Variants in TOMM34 observed in about 807,000 individuals in gnomAD.
TOMM34 encodes mitochondrial import receptor subunit TOM34.
A neutral mutation model predicts 37.4 loss-of-function variants in TOMM34; 24 were observed. The observed-to-expected ratio is 0.64, with a 90% confidence interval of 0.46 to 0.90. The LOEUF (loss-of-function observed/expected upper bound fraction) is 0.90, where lower values mean the gene tolerates loss of function less well. Ranked by LOEUF, TOMM34 falls within the 40% of genes least tolerant of loss-of-function variation. TOMM34 has a pLI of 0.00. For synonymous variants in TOMM34, 154 were observed against 148.9 expected, an observed-to-expected ratio of 1.03 and a Z score of -0.25; for missense variants, 304 against 375.6, an observed-to-expected ratio of 0.81 and a Z score of 1.58.
Position 44,946,281 on chromosome 20 carries a change from T to C in TOMM34, c.698+2449A>G, listed in dbSNP as rs2066980430. 2.0e-5 allele frequency among the ~76,000 whole-genome samples: 3 copies of C among 152,184 alleles called. No homozygotes were observed. In the South Asian group the frequency reaches 6.2e-4, roughly 32 times the overall value. On this transcript the variant is annotated intron_variant, in intron 5 of 6. Coordinates refer to ENST00000372813, the MANE Select transcript of TOMM34 (RefSeq NM_006809.5). ...GACTTCAGAATAGAAATGTGATTAA[T>C]AGGGTCATGTGAGACTTCTAAAGAC...
At chr20:44,955,883 A>T (rs896166514) in intron 2 of TOMM34, among the ~76,000 whole-genome samples, 4 of 152,264 alleles carry the variant, frequency 2.6e-5, no homozygotes, top group African/African-American at 9.6e-5. Flanking sequence ...TTTAATGATG[A>T]TAAAAGAATA....
intron 1 of TOMM34, among the ~76,000 whole-genome samples, chr20:44,959,193 C>T (rs142606138): frequency 6.6e-6 from 1 of 152,148 alleles, no homozygotes; most frequent in East Asian, 1.9e-4. Flanking sequence ...TCAAGAGATG[C>T]TAGCCAAGAA....
At chr20:44,952,109 C>T (rs1251289020) in intron 3 of TOMM34, 107 bp from the exon 4 acceptor site, 4 of 1,358,922 alleles carry the variant, frequency 2.9e-6, no homozygotes, top group African/African-American at 2.9e-5. Flanking sequence ...GCCAGAGCTG[C>T]CACCCTCCCC....
In TOMM34 at chr20:44,943,056, C is replaced by G; in HGVS notation, c.*53G>C. ...AGGAGCGGGCACAGAGCAGGTGGCC[C>G]ATGGCTTCTCTGGGTAAGGTCAGGC... On this transcript the variant is annotated 3_prime_UTR_variant, in exon 7 of 7. Transcript: ENST00000372813. 1 of 1,583,810 alleles carries G rather than the reference C, an allele frequency of 6.3e-7. No homozygotes were observed. Among genetic ancestry groups the G allele is most frequent in the Non-Finnish European group, 8.7e-7 (1 of 1,153,744 alleles).
intron 5 of TOMM34, 100 bp downstream of exon 5, chr20:44,948,626 ATACT>A: frequency 1.4e-6 from 2 of 1,416,334 alleles, no homozygotes; most frequent in Non-Finnish European, 1.9e-6. Context: ...CAGCCATAAC[ATACT>A]TGACTAAATG....
At position 44,943,006 on chromosome 20, in the gene TOMM34, G is replaced by A; in HGVS notation, c.*103C>T. 9.2e-7 allele frequency: 1 copy of A among 1,089,064 alleles called. No individual in the cohort carries two copies. Among genetic ancestry groups the A allele is most frequent in the South Asian group, 1.3e-5 (1 of 74,670 alleles). 67.5% of individuals were successfully genotyped at this position (1,089,064 alleles called of 1,614,324 possible). Reference sequence around the variant, plus strand: ...AAGGGATTGAGGAGGGGGCTTCAGAGCTCACTTGGGGCATGCTGGGTTTCA... The same window carrying A: ...AAGGGATTGAGGAGGGGGCTTCAGAACTCACTTGGGGCATGCTGGGTTTCA... On this transcript the variant is annotated 3_prime_UTR_variant, in exon 7 of 7. Coordinates refer to ENST00000372813, the MANE Select transcript of TOMM34 (RefSeq NM_006809.5).
intron 5 of TOMM34, among the ~76,000 whole-genome samples, chr20:44,946,050 G>T (rs553619850): frequency 1.4e-4 from 21 of 152,192 alleles, no homozygotes; most frequent in Admixed American, 3.3e-4. Context: ...GTAGAGATGG[G>T]GTTTCACCAT....
In TOMM34 at chr20:44,943,589, A is replaced by G; in HGVS notation, c.699-10T>C. On this transcript the variant is annotated splice_polypyrimidine_tract_variant and intron_variant, in intron 5 of 6. Coordinates refer to ENST00000372813, the MANE Select transcript of TOMM34 (RefSeq NM_006809.5). ...CAAATAGCAGAGTGCTCTGAAGGGA[A>G]AGACCATTTCAGAGGTTTCAGTCAC... The G allele has an allele frequency of 6.2e-7, 1 of 1,614,092 alleles. No homozygotes were observed. Among genetic ancestry groups the G allele is most frequent in the Non-Finnish European group, 8.5e-7 (1 of 1,180,018 alleles).
chr20:44,951,903 G>T lies in TOMM34; in HGVS notation c.480C>A (p.Ser160=). Residue 160 remains serine, a synonymous_variant, in exon 4 of 7, where the codon TCC becomes TCA. Transcript: ENST00000372813. ...VPVSAQKRWN[S]LPSENHKEMA... is the part of the protein sequence containing the mutation. The stretch of plus-strand genomic sequence containing the variant: ...TCTCTTTGTGGTTCTCCGAAGGCAA[G>T]GAATTCCACCTCTTCTGAGCTGAAA... 2 of 1,614,098 alleles carry T rather than the reference G, an allele frequency of 1.2e-6. No individual in the cohort carries two copies.
In TOMM34 at chr20:44,960,313, G is replaced by C. The variant is rs773402878; in HGVS notation, c.21C>G (p.Asp7Glu). Residue 7 changes from aspartate to glutamate, a missense_variant, in exon 1 of 7, where the codon GAC (aspartate) becomes GAG (glutamate). Asp to Glu is a conservative substitution (Grantham distance 45, BLOSUM62 2). Transcript: ENST00000372813. The stretch of plus-strand genomic sequence containing the variant: ...CGGCGGCGCGGAGCTCCTCCACAGA[G>C]TCTGGGAATTTGGGGGCCATCCCGT... MAPKFP[D>E]SVEELRAAGN... The C allele has an allele frequency of 1.7e-5, 27 of 1,581,940 alleles. No individual in the cohort carries two copies. The South Asian group carries it at 2.9e-4, about 17-fold the overall frequency.
chr20:44,942,791 C>G lies in TOMM34; in HGVS notation c.*318G>C. Reference sequence around the variant, plus strand: ...CAGTCTGCAGCCCACTTGGGCAGGACAAAGCCAAATGCTTTGCTGATGAGG... The same window carrying G: ...CAGTCTGCAGCCCACTTGGGCAGGAGAAAGCCAAATGCTTTGCTGATGAGG... On this transcript the variant is annotated 3_prime_UTR_variant, in exon 7 of 7. Transcript: ENST00000372813. The G allele has an allele frequency of 2.4e-6, 1 of 413,444 alleles. No individual in the cohort carries two copies. Among genetic ancestry groups the G allele is most frequent in the Non-Finnish European group, 4.4e-6 (1 of 226,798 alleles). The allele number at this position is 413,444 out of a possible 1,614,324, so 25.6% of individuals were successfully genotyped here.
chr20:44,944,798 T>C (rs562170654), intron 5 of TOMM34, among the ~76,000 whole-genome samples: 3 of 152,364 alleles, frequency 2.0e-5, no homozygotes, highest in South Asian at 4.1e-4. Flanking sequence ...TGTACCAACT[T>C]TGGGTCTTAA....
chr20:44,946,587 G>A (rs1190569554), intron 5 of TOMM34, among the ~76,000 whole-genome samples: 5 of 152,210 alleles, frequency 3.3e-5, no homozygotes, highest in South Asian at 2.1e-4. Context: ...ACTGTTGTGA[G>A]TACAAGTGAG....
chr20:44,954,689 T>C (rs2067055172), intron 3 of TOMM34, among the ~76,000 whole-genome samples: 1 of 152,240 alleles, frequency 6.6e-6, no homozygotes, highest in African/African-American at 2.4e-5. Flanking sequence ...TCATAGCTGC[T>C]TGGGCTTGTG....
chr20:44,956,713 C>T (rs2067076398), intron 1 of TOMM34, among the ~76,000 whole-genome samples: 1 of 152,170 alleles, frequency 6.6e-6, no homozygotes, highest in Admixed American at 6.5e-5. Context: ...TCCTCATTCA[C>T]TCATTCCAGC....
chr20:44,956,982 T>A (rs2067079410), intron 1 of TOMM34, among the ~76,000 whole-genome samples: 1 of 151,896 alleles, frequency 6.6e-6, no homozygotes. Flanking sequence ...ATGAAAGACA[T>A]GAGACTAGTT....
At chr20:44,945,226 A>G (rs1000409621) in intron 5 of TOMM34, among the ~76,000 whole-genome samples, 2 of 152,214 alleles carry the variant, frequency 1.3e-5, no homozygotes, top group African/African-American at 4.8e-5. Flanking sequence ...CATGAATTTA[A>G]AGAAGAAAAT....
At chr20:44,950,717 G>A (rs2067019123) in intron 4 of TOMM34, among the ~76,000 whole-genome samples, 1 of 152,192 alleles carries the variant, frequency 6.6e-6, no homozygotes, top group Non-Finnish European at 1.5e-5. Flanking sequence ...ACAAACCAGA[G>A]TGAATGCTAC....
intron 5 of TOMM34, among the ~76,000 whole-genome samples, chr20:44,945,982 C>T (rs1300455852): frequency 1.3e-5 from 2 of 152,050 alleles, no homozygotes; most frequent in East Asian, 1.9e-4. Context: ...TTCAGCCTCC[C>T]GAGTAGCTGG....
Sources: allele counts gnomAD v4.1 joint callset (sites outside exome capture counted in the v4.1 genomes callset), GRCh38; gene constraint gnomAD v4.1.1; transcripts MANE v1.5; gene names NCBI Gene and HGNC (gene_info 2026-07-23, HGNC 2026-07-21).